The following SARAF variants were observed in gnomAD, a reference collection of about 807,000 sequenced individuals.
SARAF encodes store-operated calcium entry-associated regulatory factor.
A neutral mutation model predicts 39.7 loss-of-function variants in SARAF; 23 were observed. That is an observed-to-expected ratio of 0.58 (90% confidence interval 0.42 to 0.82). The LOEUF (loss-of-function observed/expected upper bound fraction) is 0.82. Among genes scored for constraint, SARAF ranks in the 40% least tolerant of loss-of-function variants. SARAF has a pLI of 0.00. For missense variants in SARAF, 384 were observed against 418.5 expected (o/e 0.92, Z 0.72); for synonymous variants, 175 against 168.5 (o/e 1.04, Z -0.30).
At chr8:30,076,503 C>G (rs1801968853) in intron 1 of SARAF, among the ~76,000 whole-genome samples, 1 of 152,206 alleles carries the variant, frequency 6.6e-6, no homozygotes. Context: ...TTCCAATGAG[C>G]TTTTTGGTTC....
chr8:30,079,087 G>A (rs188948545), intron 1 of SARAF, among the ~76,000 whole-genome samples: 100 of 151,310 alleles, frequency 6.6e-4, no homozygotes, highest in African/African-American at 2.3e-3. Context: ...AATCCAGGAG[G>A]TGGAGGTTGC....
chr8:30,069,847 C>T lies in SARAF; in HGVS notation c.495G>A (p.Trp165Ter), dbSNP rs1801791284. The T allele has an allele frequency of 6.2e-7, 1 of 1,614,026 alleles. No homozygotes were observed. The highest frequency in any genetic ancestry group is 1.3e-5 in the African/African-American group (1 of 74,902). The change falls in exon 3 of 6, where the codon TGG (tryptophan) becomes TGA (stop). Residue 165 changes from tryptophan (W) to a stop codon, truncating the protein, a stop_gained. Transcript: ENST00000256255. LOFTEE classifies it high-confidence loss of function. The part of the protein sequence containing the change: ...FASFSDYYYK[W>*]SSADSCNMSG... ...TCATGTTACAGGAATCCGCCGAGGA[C>T]CACTTATAATAATAATCAGAGAAAG...
At position 30,064,547 on chromosome 8, in the gene SARAF, A is replaced by ATTTTTTTT. The variant is rs1319036441; in HGVS notation, c.995-635_995-634insAAAAAAAA. On this transcript the variant is annotated intron_variant, in intron 5 of 5. Coordinates refer to ENST00000256255, the MANE Select transcript of SARAF (RefSeq NM_016127.6). Reference sequence around the variant, plus strand: ...GTCTTACCTAGCCATATATATATATATATATATATATATATTTTTTTTTTT... The same window carrying ATTTTTTTT: ...GTCTTACCTAGCCATATATATATATATTTTTTTTTATATATATATATATTTTTTTTTTT... Among the ~76,000 whole-genome samples, 78 of 37,010 alleles carry ATTTTTTTT rather than the reference A, an allele frequency of 2.1e-3. 19 individuals are homozygous for ATTTTTTTT. Among genetic ancestry groups the ATTTTTTTT allele is most frequent in the Non-Finnish European group, 3.0e-3 (61 of 20,262 alleles). 24.3% of individuals were successfully genotyped at this position (37,010 alleles called of 152,430 possible). A position where few individuals can be genotyped will look rare whatever the true frequency, so the allele number is the denominator to read the frequency against.
intron 1 of SARAF, among the ~76,000 whole-genome samples, chr8:30,081,720 ATGT>A (rs1017636748): frequency 7.8e-5 from 9 of 115,096 alleles, no homozygotes; most frequent in East Asian, 2.4e-4. Context: ...AGCAAAAATG[ATGT>A]TGTTTTCATT....
intron 1 of SARAF, among the ~76,000 whole-genome samples, chr8:30,080,697 G>A (rs1585447883): frequency 6.6e-6 from 1 of 152,148 alleles, no homozygotes; most frequent in East Asian, 1.9e-4. Flanking sequence ...CTTTAGAATG[G>A]TGCTAATTTT....
chr8:30,082,546 T>C lies in SARAF; in HGVS notation c.103+301A>G, dbSNP rs1802129847. ...AGGTGAGTGTCCAGCTCTCCAGTTA[T>C]ACTCAGAGATGAGAAAGACGACAAT... On this transcript the variant is annotated intron_variant, in intron 1 of 5. Transcript: ENST00000256255. The C allele has an allele frequency of 1.9e-5, 6 of 310,904 alleles. No individual in the cohort carries two copies. In the South Asian group the frequency reaches 2.9e-4, roughly 15 times the overall value. 19.3% of individuals were successfully genotyped at this position (310,904 alleles called of 1,614,324 possible).
intron 2 of SARAF, among the ~76,000 whole-genome samples, chr8:30,071,158 T>C (rs527686321): frequency 4.6e-5 from 7 of 152,242 alleles, no homozygotes; most frequent in South Asian, 4.1e-4. Context: ...CTGGCCAAAA[T>C]GGCAAAACCC....
chr8:30,066,725 A>C (rs1801700636), intron 4 of SARAF, 52 bp downstream of exon 4: 2 of 1,574,620 alleles, frequency 1.3e-6, no homozygotes, highest in Admixed American at 3.5e-5. Context: ...AATTGTAAGC[A>C]AAACAAGCCT....
At chr8:30,068,836 T>C (rs1801756044) in intron 3 of SARAF, among the ~76,000 whole-genome samples, 1 of 152,172 alleles carries the variant, frequency 6.6e-6, no homozygotes, top group Non-Finnish European at 1.5e-5. Context: ...ACTCTCCTAA[T>C]AGTGCCTTTT....
intron 2 of SARAF, among the ~76,000 whole-genome samples, chr8:30,071,618 T>C (rs1290252912): frequency 6.6e-6 from 1 of 152,200 alleles, no homozygotes; most frequent in African/African-American, 2.4e-5. Flanking sequence ...TAGCAGTCAC[T>C]CTCCATTCTC....
intron 1 of SARAF, 87 bp downstream of exon 1, chr8:30,082,760 G>T: frequency 1.8e-6 from 2 of 1,088,448 alleles, no homozygotes; most frequent in South Asian, 1.7e-5. Flanking sequence ...CCGGGAAGAC[G>T]GCGCACGGAA....
intron 1 of SARAF, among the ~76,000 whole-genome samples, chr8:30,080,694 A>G (rs1802077330): frequency 6.6e-6 from 1 of 152,226 alleles, no homozygotes; most frequent in South Asian, 2.1e-4. Flanking sequence ...TCTCTTTAGA[A>G]TGGTGCTAAT....
At position 30,066,854 on chromosome 8, in the gene SARAF, T is replaced by A; in HGVS notation, c.765A>T (p.Gly255=). ...GFGSAFTGQQ[G]YENSGPGFWT... ...AGAACCCTGGTCCTGAATTTTCATA[T>A]CCTTGTTGTCCTGTAAAAGCACTGC... Residue 255 remains glycine, a synonymous_variant, in exon 4 of 6, where the codon GGA becomes GGT. Coordinates refer to ENST00000256255, the MANE Select transcript of SARAF (RefSeq NM_016127.6). The A allele has an allele frequency of 6.2e-7, 1 of 1,614,198 alleles. No homozygotes were observed. The highest frequency in any genetic ancestry group is 8.5e-7 in the Non-Finnish European group (1 of 1,180,024).
At chr8:30,073,635 T>G in intron 2 of SARAF, 1 of 391,430 alleles carries the variant, frequency 2.6e-6, no homozygotes. Context: ...TTGTGAAAAT[T>G]TACAAATATC....
At chr8:30,073,108 T>G (rs1056061787) in intron 2 of SARAF, among the ~76,000 whole-genome samples, 8 of 152,172 alleles carry the variant, frequency 5.3e-5, no homozygotes, top group Admixed American at 5.2e-4. Flanking sequence ...TATCACCCAG[T>G]ACACATCAAC....
At chr8:30,070,475 C>G (rs1246338828) in intron 2 of SARAF, among the ~76,000 whole-genome samples, 1 of 152,094 alleles carries the variant, frequency 6.6e-6, no homozygotes, top group East Asian at 1.9e-4. Flanking sequence ...AGGGAATGAT[C>G]CGCAAAATTC....
At chr8:30,080,260 A>G (rs149912758) in intron 1 of SARAF, among the ~76,000 whole-genome samples, 11 of 152,284 alleles carry the variant, frequency 7.2e-5, no homozygotes, top group Admixed American at 2.6e-4. Flanking sequence ...ATAGCAATAT[A>G]TATTAATTCA....
At position 30,066,533 on chromosome 8, in the gene SARAF, C is replaced by G. The variant is rs567563458; in HGVS notation, c.842+244G>C. On this transcript the variant is annotated intron_variant, in intron 4 of 5. Coordinates refer to ENST00000256255, the MANE Select transcript of SARAF (RefSeq NM_016127.6). The stretch of plus-strand genomic sequence containing the variant: ...CTTATTTTCTCAGATGTCAACTAAA[C>G]AGTCTTTTTCTTATCTCATAATATA... Among the ~76,000 whole-genome samples the G allele has an allele frequency of 3.9e-5, 6 of 152,254 alleles. No homozygotes were observed. In the South Asian group the frequency reaches 8.3e-4, roughly 21 times the overall value.
Position 30,073,992 on chromosome 8 carries a change from C to T in SARAF, c.167G>A (p.Arg56His), listed in dbSNP as rs1391360810. Residue 56 changes from arginine (R) to histidine (H), a missense_variant, in exon 2 of 6, where the codon CGC (arginine) becomes CAC (histidine). Arg to His is a conservative substitution (Grantham distance 29, BLOSUM62 0). Transcript: ENST00000256255. Reference sequence around the variant, plus strand: ...CAACTGTGGGATGGGATCCAGCCTGCGGGAGGTGGTATAGCGGTCATAGTG... The same window carrying T: ...CAACTGTGGGATGGGATCCAGCCTGTGGGAGGTGGTATAGCGGTCATAGTG... ...TLHYDRYTTS[R>H]RLDPIPQLKC... 5 of 1,614,068 alleles carry T rather than the reference C, an allele frequency of 3.1e-6. No individual in the cohort carries two copies. Among genetic ancestry groups the T allele is most frequent in the Admixed American group, 3.3e-5 (2 of 60,000 alleles).
Sources: allele counts gnomAD v4.1 joint callset (sites outside exome capture counted in the v4.1 genomes callset), GRCh38; gene constraint gnomAD v4.1.1; transcripts MANE v1.5; gene names NCBI Gene and HGNC (gene_info 2026-07-23, HGNC 2026-07-21).